Variants in RAPGEF6 observed in about 807,000 individuals in gnomAD.
RAPGEF6 encodes Rap guanine nucleotide exchange factor 6.
In RAPGEF6, 56 loss-of-function variants were observed where a neutral mutation model predicts 171.4. That is an observed-to-expected ratio of 0.33 (90% CI 0.26 to 0.41). RAPGEF6 has a LOEUF of 0.41. Among genes scored for constraint, RAPGEF6 ranks in the 10% least tolerant of loss-of-function variants. RAPGEF6 has a pLI of 1.00. For synonymous variants in RAPGEF6, 692 were observed against 650.1 expected (o/e 1.06, Z -0.98); for missense variants, 1,674 against 1,921.4 (o/e 0.87, Z 2.41).
In RAPGEF6 at chr5:131,455,780, CAATA is replaced by C. The variant is rs778804558; in HGVS notation, c.3076+17_3076+20del. Reference sequence around the variant, plus strand: ...TTAGATAAACCATGTGGTAAAACATCAATAAATAATGTTTTCATACCTTCATGTA... The same window carrying C: ...TTAGATAAACCATGTGGTAAAACATCAATAATGTTTTCATACCTTCATGTA... On this transcript the variant is annotated intron_variant, in intron 20 of 27. Transcript: ENST00000509018. The C allele has an allele frequency of 3.8e-6, 6 of 1,571,080 alleles. No individual in the cohort carries two copies. Among genetic ancestry groups the C allele is most frequent in the Non-Finnish European group, 5.2e-6 (6 of 1,142,942 alleles).
chr5:131,482,276 A>ATGTG (rs141980105), intron 15 of RAPGEF6, among the ~76,000 whole-genome samples: 34 of 151,066 alleles, frequency 2.3e-4, no homozygotes, highest in African/African-American at 5.1e-4. Flanking sequence ...ACGTGTGTGT[A>ATGTG]TGTGTGTGTG....
At chr5:131,613,559 C>T (rs1765076307) in intron 1 of RAPGEF6, among the ~76,000 whole-genome samples, 1 of 152,072 alleles carries the variant, frequency 6.6e-6, no homozygotes, top group Non-Finnish European at 1.5e-5. Context: ...TTTATCACAA[C>T]TATTTAGCTC....
rs1182262440 is a variant in RAPGEF6, at chr5:131,442,420, T to C, written c.3539A>G (p.Gln1180Arg). Reference protein sequence around the residue: ...AHLHQPHRVSQVLQVPAVNLH... With the variant: ...AHLHQPHRVSRVLQVPAVNLH... Reference sequence around the variant, plus strand: ...ATTAACAGCTGGCACCTGAAGCACCTGGCTTACTCTGTGGGGTTGATGCAA... The same window carrying C: ...ATTAACAGCTGGCACCTGAAGCACCCGGCTTACTCTGTGGGGTTGATGCAA... Residue 1180 changes from glutamine to arginine, a missense_variant, in exon 23 of 28, where the codon CAG becomes CGG. Gln to Arg is a conservative substitution (Grantham distance 43). This residue lies in a region of RAPGEF6 where 552 missense variants were observed against 574.2 expected (regional missense o/e 0.96). Transcript: ENST00000509018. The C allele has an allele frequency of 6.2e-7, 1 of 1,614,176 alleles. No homozygotes were observed.
Position 131,431,246 on chromosome 5 carries a change from T to C in RAPGEF6, c.4078A>G (p.Ser1360Gly), listed in dbSNP as rs772625496. ...QEHIIIEAADSGRGSWTSCSS... is the reference protein window; with the variant it reads ...QEHIIIEAADGGRGSWTSCSS... ...CACGAAGTCCAACTTCCACGACCAC[T>C]GTCAGCTGCTTCTATAATGATATGC... The change falls in exon 26 of 28, where the codon AGT (serine) becomes GGT (glycine). Residue 1360 changes from serine to glycine, a missense_variant. By Grantham distance (56) the Ser-to-Gly change is moderately conservative. Transcript: ENST00000509018. The C allele has an allele frequency of 1.2e-6, 2 of 1,614,236 alleles. No individual in the cohort carries two copies. Among genetic ancestry groups the C allele is most frequent in the South Asian group, 2.2e-5 (2 of 91,090 alleles).
chr5:131,462,712 C>G (rs569598756), intron 18 of RAPGEF6, among the ~76,000 whole-genome samples: 1 of 152,300 alleles, frequency 6.6e-6, no homozygotes, highest in African/African-American at 2.4e-5. Flanking sequence ...AACAATTCTA[C>G]AGCACTTAAA....
At chr5:131,616,861 C>G (rs1228486817) in intron 1 of RAPGEF6, among the ~76,000 whole-genome samples, 1 of 152,072 alleles carries the variant, frequency 6.6e-6, no homozygotes, top group African/African-American at 2.4e-5. Context: ...CCTACCTTGG[C>G]CTTCCAAAGT....
chr5:131,592,662 CTA>C (rs1554085229), intron 3 of RAPGEF6, among the ~76,000 whole-genome samples, 196 bp from the exon 4 acceptor site: 1 of 152,104 alleles, frequency 6.6e-6, no homozygotes, highest in Non-Finnish European at 1.5e-5. Flanking sequence ...AGTATAATCA[CTA>C]TCTTAAGATA....
At chr5:131,525,648 T>C (rs910287390) in intron 6 of RAPGEF6, among the ~76,000 whole-genome samples, 1 of 118,800 alleles carries the variant, frequency 8.4e-6, no homozygotes, top group Non-Finnish European at 1.8e-5. Flanking sequence ...ACTTAGTTTC[T>C]ATCATTTAGA....
chr5:131,599,621 T>C (rs144583797), intron 3 of RAPGEF6, among the ~76,000 whole-genome samples: 87 of 152,312 alleles, frequency 5.7e-4, no homozygotes, highest in African/African-American at 2.0e-3. Flanking sequence ...TGGATGTCCA[T>C]AGGGATACCT....
intron 5 of RAPGEF6, among the ~76,000 whole-genome samples, chr5:131,555,451 T>C (rs1761174386): frequency 6.6e-6 from 1 of 152,118 alleles, no homozygotes; most frequent in Non-Finnish European, 1.5e-5. Flanking sequence ...CATTTCCTAC[T>C]GACATTTTAG....
chr5:131,489,677 AAATT>A (rs1367118513), intron 14 of RAPGEF6, 23 bp from the exon 15 acceptor site: 8 of 1,312,514 alleles, frequency 6.1e-6, no homozygotes, highest in East Asian at 2.5e-5. Context: ...TAAAAAATAC[AAATT>A]AATACAGAAC....
At chr5:131,507,033 C>CTATCAAATA (rs1321989543) in intron 9 of RAPGEF6, among the ~76,000 whole-genome samples, 7 of 150,786 alleles carry the variant, frequency 4.6e-5, no homozygotes, top group African/African-American at 1.7e-4. Flanking sequence ...CAAAGATATT[C>CTATCAAATA]TATCAAATAA....
intron 4 of RAPGEF6, among the ~76,000 whole-genome samples, chr5:131,586,347 C>T (rs1467006503): frequency 6.6e-6 from 1 of 152,200 alleles, no homozygotes; most frequent in African/African-American, 2.4e-5. Context: ...CCTGAGAAGT[C>T]ACTTTACAAA....
intron 17 of RAPGEF6, among the ~76,000 whole-genome samples, chr5:131,467,277 T>C (rs3776027): frequency 0.23 from 35,262 of 152,142 alleles, 4,382 homozygotes; most frequent in East Asian, 0.49. Flanking sequence ...CAAATTGTTA[T>C]ATGATCACAT....
intron 12 of RAPGEF6, 112 bp from the exon 13 acceptor site, chr5:131,495,772 C>T: frequency 7.1e-7 from 1 of 1,404,958 alleles, no homozygotes; most frequent in South Asian, 1.6e-5. Context: ...CTCTTGTTCC[C>T]TCCCTTGTGT....
At chr5:131,571,546 A>G (rs1474559321) in intron 4 of RAPGEF6, among the ~76,000 whole-genome samples, 1 of 152,234 alleles carries the variant, frequency 6.6e-6, no homozygotes, top group Non-Finnish European at 1.5e-5. Flanking sequence ...GAAAACTGCA[A>G]AACATCATTG....
intron 4 of RAPGEF6, among the ~76,000 whole-genome samples, chr5:131,570,438 A>G (rs1580594305): frequency 6.6e-6 from 1 of 152,316 alleles, no homozygotes; most frequent in East Asian, 1.9e-4. Context: ...TAACACAGCA[A>G]TTCTACTCCT....
intron 1 of RAPGEF6, among the ~76,000 whole-genome samples, chr5:131,632,457 C>A (rs1055208462): frequency 6.6e-6 from 1 of 152,192 alleles, no homozygotes; most frequent in Non-Finnish European, 1.5e-5. Flanking sequence ...CCAGCCCTTG[C>A]CCCTTGCTTT....
intron 4 of RAPGEF6, 27 bp downstream of exon 4, chr5:131,592,356 C>T: frequency 1.2e-6 from 2 of 1,610,548 alleles, no homozygotes; most frequent in Non-Finnish European, 1.7e-6. Context: ...ATTAACTTTG[C>T]CTGCCATATA....
Sources: allele counts gnomAD v4.1 joint callset (sites outside exome capture counted in the v4.1 genomes callset), GRCh38; gene constraint gnomAD v4.1.1; regional missense constraint gnomAD v4.1.1; transcripts MANE v1.5; gene names NCBI Gene and HGNC (gene_info 2026-07-23, HGNC 2026-07-21).